The following TTC28 variants were observed in gnomAD, a reference collection of about 807,000 sequenced individuals.
TTC28 encodes the protein tetratricopeptide repeat protein 28.
TTC28 carries 61 observed loss-of-function variants against 198.0 expected under a neutral mutation model. That is an observed-to-expected ratio of 0.31 (90% confidence interval 0.25 to 0.38). The LOEUF (loss-of-function observed/expected upper bound fraction) is 0.38, where lower values mean the gene tolerates loss of function less well. Ranked by LOEUF, TTC28 falls within the 10% of genes least tolerant of loss-of-function variation. The probability of loss-of-function intolerance (pLI) is 1.00; values close to 1 mark genes in which losing one functional copy is unlikely to be tolerated. For synonymous variants in TTC28, 1,171 were observed against 1,297.8 expected (o/e 0.90, Z 2.10); for missense variants, 2,678 against 3,164.0 (o/e 0.85, Z 3.69).
intron 2 of TTC28, among the ~76,000 whole-genome samples, chr22:28,391,818 G>T (rs180945205): frequency 2.6e-5 from 4 of 151,846 alleles, no homozygotes; most frequent in Non-Finnish European, 5.9e-5. Context: ...TAATTTGATC[G>T]TCTGAAGCCT....
chr22:28,279,122 T>C (rs146000264), intron 5 of TTC28, among the ~76,000 whole-genome samples: 60 of 152,308 alleles, frequency 3.9e-4, no homozygotes, highest in African/African-American at 1.3e-3. Context: ...TCAAAAGAAC[T>C]GTACAGTGAA....
chr22:28,627,002 A>T (rs1439244766), intron 2 of TTC28, among the ~76,000 whole-genome samples: 1 of 152,166 alleles, frequency 6.6e-6, no homozygotes, highest in African/African-American at 2.4e-5. Context: ...AGGCGTTCAC[A>T]AATATAGGAA....
At chr22:28,429,278 G>A (rs1479592227) in intron 2 of TTC28, among the ~76,000 whole-genome samples, 1 of 152,150 alleles carries the variant, frequency 6.6e-6, no homozygotes, top group Non-Finnish European at 1.5e-5. Flanking sequence ...AAAAGCTGCT[G>A]TACTGAAGCA....
chr22:28,161,881 G>T (rs951503102), intron 6 of TTC28, among the ~76,000 whole-genome samples: 6 of 121,602 alleles, frequency 4.9e-5, no homozygotes, highest in African/African-American at 1.9e-4. Context: ...AAGGAAGGGA[G>T]GAAGGGATGA....
chr22:28,672,953 T>C (rs1451548605), intron 1 of TTC28, among the ~76,000 whole-genome samples: 1 of 152,210 alleles, frequency 6.6e-6, no homozygotes, highest in Admixed American at 6.5e-5. Flanking sequence ...TTTTTTGAGA[T>C]CCCACTTGAT....
chr22:28,564,205 T>C (rs980040866), intron 2 of TTC28, among the ~76,000 whole-genome samples: 1 of 152,208 alleles, frequency 6.6e-6, no homozygotes, highest in Non-Finnish European at 1.5e-5. Flanking sequence ...GGAACTAAAG[T>C]TGGCTGCTGT....
chr22:28,441,379 T>C (rs2047619020), intron 2 of TTC28, among the ~76,000 whole-genome samples: 1 of 151,194 alleles, frequency 6.6e-6, no homozygotes, highest in African/African-American at 2.4e-5. Context: ...GTTTCTTCTA[T>C]GAGTTTTCCT....
At chr22:28,085,180 G>A (rs1480319388) in intron 12 of TTC28, among the ~76,000 whole-genome samples, 7 of 151,894 alleles carry the variant, frequency 4.6e-5, no homozygotes, top group South Asian at 2.1e-4. Context: ...GATACTCCCC[G>A]AGAAGAGCAA....
chr22:28,646,074 C>T (rs866384197), intron 1 of TTC28, among the ~76,000 whole-genome samples: 2 of 151,978 alleles, frequency 1.3e-5, no homozygotes, highest in African/African-American at 4.8e-5. Flanking sequence ...CTAGCCAGAA[C>T]ACTCAGGCCA....
intron 1 of TTC28, among the ~76,000 whole-genome samples, chr22:28,657,291 T>C (rs2051674660): frequency 6.6e-6 from 1 of 152,204 alleles, no homozygotes; most frequent in South Asian, 2.1e-4. Context: ...TAAAGTAGCC[T>C]TTGAAATGTA....
rs940802628 is a variant in TTC28, at chr22:28,428,795, C to T, written c.382-122152G>A. Reference sequence around the variant, plus strand: ...CTGGGACTACAGGCACCCGCCACCACGCCCGGCTAATTTTTTTTGTATCTT... The same window carrying T: ...CTGGGACTACAGGCACCCGCCACCATGCCCGGCTAATTTTTTTTGTATCTT... On this transcript the variant is annotated intron_variant, in intron 2 of 22. Coordinates refer to ENST00000397906, the MANE Select transcript of TTC28 (RefSeq NM_001145418.2). 4.6e-5 allele frequency among the ~76,000 whole-genome samples: 7 copies of T among 151,962 alleles called. No homozygotes were observed. The East Asian group carries it at 5.8e-4, about 13-fold the overall frequency.
intron 5 of TTC28, among the ~76,000 whole-genome samples, chr22:28,281,112 T>C (rs888531196): frequency 4.6e-5 from 7 of 152,180 alleles, no homozygotes; most frequent in Non-Finnish European, 8.8e-5. Context: ...GCTGAGGTGT[T>C]AGAATCTGTA....
At chr22:28,289,996 C>A (rs111872390) in intron 5 of TTC28, among the ~76,000 whole-genome samples, 3,206 of 152,152 alleles carry the variant, frequency 0.021, 31 homozygotes, top group Non-Finnish European at 0.026. Flanking sequence ...TGCACTCCAG[C>A]CTAGGCGACA....
intron 5 of TTC28, among the ~76,000 whole-genome samples, chr22:28,185,301 C>G (rs1201078275): frequency 6.6e-6 from 1 of 152,200 alleles, no homozygotes; most frequent in Non-Finnish European, 1.5e-5. Flanking sequence ...ACCCGCTGCT[C>G]TCCACACTCT....
intron 2 of TTC28, among the ~76,000 whole-genome samples, chr22:28,579,456 T>C (rs1569037445): frequency 6.7e-6 from 1 of 148,764 alleles, no homozygotes; most frequent in Non-Finnish European, 1.5e-5. Context: ...TATAACTATA[T>C]ACATAGCTAC....
chr22:28,162,551 T>C (rs1487167879), intron 6 of TTC28, among the ~76,000 whole-genome samples: 1 of 152,166 alleles, frequency 6.6e-6, no homozygotes, highest in Non-Finnish European at 1.5e-5. Context: ...CATTAAAAGG[T>C]TGGGATGTTT....
chr22:28,413,991 T>C (rs2047129340), intron 2 of TTC28, among the ~76,000 whole-genome samples: 1 of 152,158 alleles, frequency 6.6e-6, no homozygotes, highest in Non-Finnish European at 1.5e-5. Flanking sequence ...CAGAAAAAAA[T>C]TCTCTGTTTA....
At chr22:28,038,436 T>C (rs972549465) in intron 12 of TTC28, among the ~76,000 whole-genome samples, 28 of 152,208 alleles carry the variant, frequency 1.8e-4, no homozygotes, top group Non-Finnish European at 3.8e-4. Flanking sequence ...CCCTATTTAA[T>C]AAATGGTGCT....
chr22:28,392,044 T>C (rs1165297584), intron 2 of TTC28, among the ~76,000 whole-genome samples: 1 of 152,188 alleles, frequency 6.6e-6, no homozygotes, highest in East Asian at 1.9e-4. Context: ...TTCTGTTTGT[T>C]AGTTTTCCTT....
Sources: allele counts gnomAD v4.1 joint callset (sites outside exome capture counted in the v4.1 genomes callset), GRCh38; gene constraint gnomAD v4.1.1; transcripts MANE v1.5; gene names NCBI Gene and HGNC (gene_info 2026-07-23, HGNC 2026-07-21).